PARP15: variants seen among roughly 807,000 people sequenced by gnomAD.
PARP15 encodes protein mono-ADP-ribosyltransferase PARP15.
PARP15 carries 50 observed loss-of-function variants against 62.1 expected under a neutral mutation model. The observed-to-expected ratio is 0.81, with a 90% CI of 0.64 to 1.02. PARP15 has a LOEUF of 1.02. PARP15 is among the 50% of genes least tolerant of loss of function. PARP15 has a pLI of 0.00. For synonymous variants in PARP15, 309 were observed against 293.1 expected (o/e 1.05, Z -0.55); for missense variants, 820 against 826.5 (o/e 0.99, Z 0.10).
chr3:122,612,492 A>C (rs1409427839), intron 3 of PARP15, among the ~76,000 whole-genome samples: 1 of 151,782 alleles, frequency 6.6e-6, no homozygotes, highest in Non-Finnish European at 1.5e-5. Context: ...GTTGGAGTAC[A>C]GTGGCGCAAT....
In PARP15 at chr3:122,626,857, C is replaced by G. The variant is rs142475278; in HGVS notation, c.1262C>G (p.Ala421Gly). The G allele has an allele frequency of 6.2e-7, 1 of 1,612,808 alleles. No individual in the cohort carries two copies. Among genetic ancestry groups the G allele is most frequent in the South Asian group, 1.1e-5 (1 of 90,462 alleles). The change falls in exon 9 of 12, where the codon GCT (alanine) becomes GGT (glycine). Residue 421 changes from alanine (A) to glycine (G), a missense_variant. By Grantham distance (60) the Ala-to-Gly change is moderately conservative. Coordinates refer to ENST00000464300, the MANE Select transcript of PARP15 (RefSeq NM_001113523.3). ...GCCGGAAAAAACCCTATCACAGTTG[C>G]TGATAACATAATCGATGCTATTGTA... ...GNAGKNPITVADNIIDAIVDF... is the reference protein window; with the variant it reads ...GNAGKNPITVGDNIIDAIVDF...
chr3:122,579,409 T>C (rs1328466086), intron 1 of PARP15, among the ~76,000 whole-genome samples: 1 of 152,158 alleles, frequency 6.6e-6, no homozygotes, highest in East Asian at 1.9e-4. Flanking sequence ...AGTGTATACT[T>C]CTGTGAGTTT....
At chr3:122,606,982 A>G (rs546010885) in intron 2 of PARP15, among the ~76,000 whole-genome samples, 2 of 150,612 alleles carry the variant, frequency 1.3e-5, no homozygotes, top group South Asian at 4.2e-4. Context: ...GAGGGGAGGC[A>G]GCCGGCTGCT....
chr3:122,610,846 G>A (rs1446195232), intron 3 of PARP15, 116 bp downstream of exon 3: 9 of 767,708 alleles, frequency 1.2e-5, no homozygotes, highest in Non-Finnish European at 1.8e-5. Flanking sequence ...CAGTTGGGTT[G>A]TTACAACTGC....
chr3:122,605,819 T>A, intron 1 of PARP15, 117 bp from the exon 2 acceptor site: 3 of 1,022,520 alleles, frequency 2.9e-6, no homozygotes. Context: ...TGGGCTCAAG[T>A]GATTCTCCCA....
chr3:122,631,105 G>A (rs1010936263), intron 9 of PARP15, among the ~76,000 whole-genome samples: 3 of 152,194 alleles, frequency 2.0e-5, no homozygotes, highest in Admixed American at 2.0e-4. Context: ...GGGAAAGGAA[G>A]CAGCAGATCC....
At chr3:122,579,633 A>G (rs1442324076) in intron 1 of PARP15, among the ~76,000 whole-genome samples, 1 of 151,974 alleles carries the variant, frequency 6.6e-6, no homozygotes, top group Admixed American at 6.6e-5. Context: ...TTAATAGTTA[A>G]ATTTCATTGT....
At chr3:122,635,463 C>T (rs1268106786) in intron 11 of PARP15, among the ~76,000 whole-genome samples, 3 of 151,274 alleles carry the variant, frequency 2.0e-5, no homozygotes, top group Non-Finnish European at 2.9e-5. Context: ...AACTGGAGTG[C>T]AGTGGCAAGA....
chr3:122,599,507 C>T (rs13090108), intron 1 of PARP15, among the ~76,000 whole-genome samples: 12,756 of 142,292 alleles, frequency 0.09, 546 homozygotes, highest in Non-Finnish European at 0.11. Flanking sequence ...CTTTCTTCCT[C>T]GAATTTCTCT....
chr3:122,585,788 C>T (rs1933378304), intron 1 of PARP15, among the ~76,000 whole-genome samples: 1 of 152,196 alleles, frequency 6.6e-6, no homozygotes, highest in Non-Finnish European at 1.5e-5. Context: ...TCCCCTATTC[C>T]ATTTCTGGAA....
chr3:122,597,705 A>G (rs1934467989), intron 1 of PARP15, among the ~76,000 whole-genome samples: 1 of 152,186 alleles, frequency 6.6e-6, no homozygotes, highest in African/African-American at 2.4e-5. Context: ...GAATAGATGC[A>G]TTTTCTTTTC....
intron 1 of PARP15, among the ~76,000 whole-genome samples, chr3:122,588,605 C>T (rs1222836742): frequency 6.6e-6 from 1 of 152,096 alleles, no homozygotes; most frequent in African/African-American, 2.4e-5. Flanking sequence ...CTGCAGTGAA[C>T]CATGATTGCG....
At chr3:122,619,653 G>A in intron 6 of PARP15, 128 bp from the exon 7 acceptor site, 1 of 749,764 alleles carries the variant, frequency 1.3e-6, no homozygotes, top group South Asian at 1.6e-5. Flanking sequence ...AGAGCAGTTG[G>A]TCGGGCGTGG....
chr3:122,590,618 C>A (rs80248585), intron 1 of PARP15, among the ~76,000 whole-genome samples: 1,770 of 151,564 alleles, frequency 0.012, 37 homozygotes, highest in African/African-American at 0.041. Context: ...GTATACATAT[C>A]TGATTTTTGT....
In PARP15 at chr3:122,636,407, A is replaced by G. The variant is rs1464701773; in HGVS notation, c.*307A>G. On this transcript the variant is annotated 3_prime_UTR_variant, in exon 12 of 12. Transcript: ENST00000464300. The stretch of plus-strand genomic sequence containing the variant: ...TTTCTATCAGAAAAAAACAAGATGC[A>G]TCACCTTAAAACCAAGATGACATTG... The G allele has an allele frequency of 6.5e-6, 2 of 307,890 alleles. No individual in the cohort carries two copies. Among genetic ancestry groups the G allele is most frequent in the Admixed American group, 4.5e-5 (1 of 22,308 alleles). The allele number at this position is 307,890 out of a possible 1,614,324, so 19.1% of individuals were successfully genotyped here. A position where few individuals can be genotyped will look rare whatever the true frequency, so the allele number is the denominator to read the frequency against.
intron 9 of PARP15, among the ~76,000 whole-genome samples, chr3:122,628,832 T>G (rs1210587583): frequency 6.6e-6 from 1 of 152,214 alleles, no homozygotes; most frequent in Non-Finnish European, 1.5e-5. Flanking sequence ...AGATGAAATA[T>G]CAGATAAAAG....
chr3:122,615,708 C>T, intron 4 of PARP15, 71 bp from the exon 5 acceptor site: 1 of 1,604,324 alleles, frequency 6.2e-7, no homozygotes, highest in Non-Finnish European at 8.5e-7. Context: ...ATCTGATGAT[C>T]AATGCTCCAA....
chr3:122,608,134 C>CT lies in PARP15; in HGVS notation c.306+2080dup, dbSNP rs1340367584. 3.7e-3 allele frequency among the ~76,000 whole-genome samples: 564 copies of CT among 152,094 alleles called. 2 individuals are homozygous for CT. The highest frequency in any genetic ancestry group is 6.9e-3 in the Non-Finnish European group (469 of 67,982). ...CTCTTCCCAGCCGCTCTTCTCACTA[C>CT]TGAACCTCTGCTTTAGCTAAATTTG... is the stretch of plus-strand genomic sequence containing the variant. On this transcript the variant is annotated intron_variant, in intron 2 of 11. Transcript: ENST00000464300.
chr3:122,610,735 G>A lies in PARP15; in HGVS notation c.543+5G>A. ...GGAGCAGAGACTTCTTGGCAGGTAG[G>A]GAACGCTCTTAGTTCTCCAACGTAT... On this transcript the variant is annotated splice_donor_5th_base_variant and intron_variant, in intron 3 of 11. Transcript: ENST00000464300. 4.0e-6 allele frequency: 6 copies of A among 1,503,108 alleles called. No individual in the cohort carries two copies. Among genetic ancestry groups the A allele is most frequent in the Non-Finnish European group, 5.3e-6 (6 of 1,124,408 alleles). The allele number at this position is 1,503,108 out of a possible 1,614,324, so 93.1% of individuals were successfully genotyped here.
Sources: gnomAD v4.1 joint callset for allele counts (sites outside exome capture counted in the v4.1 genomes callset) on GRCh38, gnomAD v4.1.1 for gene constraint, MANE v1.5 for transcripts, NCBI Gene and HGNC (gene_info 2026-07-23, HGNC 2026-07-21) for gene names.